Variants in MMP16 observed in about 807,000 individuals in gnomAD.
The protein encoded by MMP16 is matrix metalloproteinase-16.
In MMP16, 12 loss-of-function variants were observed where a neutral mutation model predicts 67.8. The ratio of observed to expected loss-of-function variants is 0.18; its 90% CI spans 0.11 to 0.29. The LOEUF (loss-of-function observed/expected upper bound fraction) is 0.29. Among genes scored for constraint, MMP16 ranks in the 10% least tolerant of loss-of-function variants. The pLI is 1.00. For missense variants in MMP16, 475 were observed against 765.7 expected, an observed-to-expected ratio of 0.62 and a Z score of 4.48; for synonymous variants, 249 against 255.9, an observed-to-expected ratio of 0.97 and a Z score of 0.26.
chr8:88,236,009 A>G (rs188035030), intron 1 of MMP16, among the ~76,000 whole-genome samples: 16 of 152,384 alleles, frequency 1.0e-4, no homozygotes, highest in African/African-American at 3.6e-4. Context: ...CTTTACTCAC[A>G]TAACTAGATG....
chr8:88,161,292 A>G (rs545471432), intron 4 of MMP16, among the ~76,000 whole-genome samples: 73 of 152,210 alleles, frequency 4.8e-4, no homozygotes, highest in Non-Finnish European at 9.1e-4. Flanking sequence ...GTATGTGTCC[A>G]GGAATTTATC....
At chr8:88,147,271 T>G (rs998230404) in intron 4 of MMP16, among the ~76,000 whole-genome samples, 1 of 152,080 alleles carries the variant, frequency 6.6e-6, no homozygotes, top group Non-Finnish European at 1.5e-5. Context: ...TATGCCCACT[T>G]AACATAGTAA....
intron 3 of MMP16, among the ~76,000 whole-genome samples, chr8:88,175,900 C>G (rs575714063): frequency 3.4e-4 from 52 of 152,288 alleles, no homozygotes; most frequent in South Asian, 1.2e-3. Flanking sequence ...AGCACAAGCT[C>G]TCTTGCCTGC....
chr8:88,093,627 C>G (rs1256167225), intron 6 of MMP16, among the ~76,000 whole-genome samples: 2 of 151,792 alleles, frequency 1.3e-5, no homozygotes, highest in Admixed American at 6.6e-5. Context: ...GTTCTTTGTA[C>G]TTCTTTATAA....
chr8:88,100,637 A>G (rs2118376224), intron 6 of MMP16, among the ~76,000 whole-genome samples: 1 of 152,164 alleles, frequency 6.6e-6, no homozygotes, highest in South Asian at 2.1e-4. Context: ...GTATATACCC[A>G]AAGGATTATA....
intron 4 of MMP16, among the ~76,000 whole-genome samples, chr8:88,137,147 C>T (rs1235383704): frequency 6.6e-6 from 1 of 151,810 alleles, no homozygotes; most frequent in East Asian, 1.9e-4. Context: ...GACAAATTTT[C>T]ATACGCTTAT....
intron 1 of MMP16, among the ~76,000 whole-genome samples, chr8:88,323,004 T>C (rs7013923): frequency 0.014 from 2,172 of 152,294 alleles, 59 homozygotes; most frequent in African/African-American, 0.048. Context: ...TTGTTAAACC[T>C]GCAATCTTGC....
chr8:88,310,179 C>T (rs1362670594), intron 1 of MMP16, among the ~76,000 whole-genome samples: 1 of 151,950 alleles, frequency 6.6e-6, no homozygotes, highest in African/African-American at 2.4e-5. Context: ...ATACACACCA[C>T]CAGAAAAAAA....
chr8:88,072,951 G>A (rs968161347), intron 7 of MMP16, among the ~76,000 whole-genome samples: 12 of 152,078 alleles, frequency 7.9e-5, no homozygotes, highest in East Asian at 7.7e-4. Flanking sequence ...AGTGAGGAGC[G>A]GCAAAGCGAA....
intron 1 of MMP16, among the ~76,000 whole-genome samples, chr8:88,316,646 G>A (rs1244411677): frequency 6.6e-6 from 1 of 152,134 alleles, no homozygotes; most frequent in Non-Finnish European, 1.5e-5. Flanking sequence ...CTCTGATGGA[G>A]ATGTATAAGG....
chr8:88,237,752 A>C (rs1809968289), intron 1 of MMP16, among the ~76,000 whole-genome samples: 1 of 152,202 alleles, frequency 6.6e-6, no homozygotes, highest in Non-Finnish European at 1.5e-5. Flanking sequence ...TGAGGCTATT[A>C]TTGGTGATTT....
chr8:88,161,294 G>A (rs184529193), intron 4 of MMP16, among the ~76,000 whole-genome samples: 2,863 of 152,240 alleles, frequency 0.019, 96 homozygotes, highest in African/African-American at 0.066. Context: ...ATGTGTCCAG[G>A]AATTTATCCA....
intron 4 of MMP16, among the ~76,000 whole-genome samples, chr8:88,149,008 C>T (rs552353784): frequency 1.6e-3 from 244 of 152,260 alleles, no homozygotes; most frequent in African/African-American, 5.7e-3. Flanking sequence ...GTGCGCGCAC[C>T]GGGCGCGAGC....
At chr8:88,232,788 T>G (rs1205037367) in intron 1 of MMP16, among the ~76,000 whole-genome samples, 3 of 152,186 alleles carry the variant, frequency 2.0e-5, no homozygotes, top group Admixed American at 6.5e-5. Flanking sequence ...GGTGACAATT[T>G]TTTTGAGTAA....
At chr8:88,208,183 G>C (rs1404075057) in intron 1 of MMP16, among the ~76,000 whole-genome samples, 1 of 7,198 alleles carries the variant, frequency 1.4e-4, no homozygotes. Context: ...GTAAGGAAGA[G>C]AACCAGCACC....
chr8:88,283,219 A>G (rs1188064462), intron 1 of MMP16, among the ~76,000 whole-genome samples: 2 of 152,176 alleles, frequency 1.3e-5, no homozygotes, highest in African/African-American at 4.8e-5. Flanking sequence ...GATAAGAGAT[A>G]ATTTATACAA....
At chr8:88,247,440 G>T (rs997468690) in intron 1 of MMP16, among the ~76,000 whole-genome samples, 6 of 152,068 alleles carry the variant, frequency 3.9e-5, no homozygotes, top group African/African-American at 1.4e-4. Context: ...TGACAGCTAT[G>T]GAGGAAACAC....
chr8:88,166,358 A>C lies in MMP16; in HGVS notation c.709+1311T>G, dbSNP rs1808710160. On this transcript the variant is annotated intron_variant, in intron 4 of 9. Transcript: ENST00000286614. ...GGGGATATGGCTATATAGAAATCTT[A>C]TAATTCTATGATCCTATAACTGCAA... Among the ~76,000 whole-genome samples, 6 of 152,076 alleles carry C rather than the reference A, an allele frequency of 3.9e-5. No individual in the cohort carries two copies. In the South Asian group the frequency reaches 1.2e-3, roughly 32 times the overall value.
intron 6 of MMP16, among the ~76,000 whole-genome samples, chr8:88,099,309 T>A (rs1809090203): frequency 6.6e-6 from 1 of 151,850 alleles, no homozygotes; most frequent in African/African-American, 2.4e-5. Context: ...TCACTTCTGA[T>A]AATTATTTTT....
Sources: gnomAD v4.1 joint callset for allele counts (sites outside exome capture counted in the v4.1 genomes callset) on GRCh38, gnomAD v4.1.1 for gene constraint, MANE v1.5 for transcripts, NCBI Gene and HGNC (gene_info 2026-07-23, HGNC 2026-07-21) for gene names.